The following SLC6A11 variants were observed in gnomAD, a reference collection of about 807,000 sequenced individuals.
SLC6A11 encodes solute carrier family 6 member 11, also known as sodium- and chloride-dependent GABA transporter 3.
A neutral mutation model predicts 74.8 loss-of-function variants in SLC6A11; 25 were observed. The ratio of observed to expected loss-of-function variants is 0.33; its 90% CI spans 0.24 to 0.47. The LOEUF (loss-of-function observed/expected upper bound fraction) is 0.47, where lower values mean the gene tolerates loss of function less well. Ranked by LOEUF, SLC6A11 falls within the 20% of genes least tolerant of loss-of-function variation. The pLI, the probability that SLC6A11 is intolerant of heterozygous loss-of-function variation, is 1.00. For synonymous variants in SLC6A11, 330 were observed against 330.2 expected, an observed-to-expected ratio of 1.00 and a Z score of 0.01; for missense variants, 574 against 837.0, an observed-to-expected ratio of 0.69 and a Z score of 3.88.
At chr3:10,831,755 A>G (rs562776186) in intron 4 of SLC6A11, among the ~76,000 whole-genome samples, 2 of 152,266 alleles carry the variant, frequency 1.3e-5, no homozygotes, top group African/African-American at 4.8e-5. Flanking sequence ...GTTACGTGTC[A>G]TAATGAACCC....
intron 5 of SLC6A11, among the ~76,000 whole-genome samples, chr3:10,859,448 G>T (rs1445394605): frequency 6.6e-6 from 1 of 152,132 alleles, no homozygotes; most frequent in East Asian, 1.9e-4. Flanking sequence ...TCTGCAAGTA[G>T]ACCCATTAAT....
chr3:10,845,471 G>A (rs1694491717), intron 5 of SLC6A11, among the ~76,000 whole-genome samples: 1 of 152,226 alleles, frequency 6.6e-6, no homozygotes, highest in Admixed American at 6.5e-5. Flanking sequence ...CCCATAGGCA[G>A]TTGCTCATAA....
At chr3:10,846,349 T>C (rs992845714) in intron 5 of SLC6A11, among the ~76,000 whole-genome samples, 4 of 152,192 alleles carry the variant, frequency 2.6e-5, no homozygotes, top group Non-Finnish European at 4.4e-5. Context: ...TTACTACTTT[T>C]GCTGTGGTTA....
At chr3:10,861,354 A>G (rs114933355) in intron 5 of SLC6A11, among the ~76,000 whole-genome samples, 4,501 of 152,206 alleles carry the variant, frequency 0.03, 109 homozygotes, top group East Asian at 0.11. Context: ...CATGTCTACA[A>G]ATAATTTAAA....
chr3:10,897,170 G>A lies in SLC6A11; in HGVS notation c.892-14920G>A, dbSNP rs148309328. 2.3e-3 allele frequency among the ~76,000 whole-genome samples: 349 copies of A among 152,210 alleles called. 1 individual carries two copies. The highest frequency in any genetic ancestry group is 4.0e-3 in the Non-Finnish European group (271 of 68,016). On this transcript the variant is annotated intron_variant, in intron 6 of 13. Coordinates refer to ENST00000254488, the MANE Select transcript of SLC6A11 (RefSeq NM_014229.3). ...TCCCACCAGATCCCTCCTATAACAC[G>A]TAGGAATTATGGGAATATAATTCAA...
intron 5 of SLC6A11, among the ~76,000 whole-genome samples, chr3:10,867,379 A>G (rs1362147475): frequency 6.6e-6 from 1 of 152,204 alleles, no homozygotes; most frequent in Non-Finnish European, 1.5e-5. Context: ...TTGTCTGCCT[A>G]GGCTCGGAGG....
intron 13 of SLC6A11, among the ~76,000 whole-genome samples, chr3:10,935,589 G>T (rs1275591589): frequency 1.3e-5 from 2 of 152,172 alleles, no homozygotes; most frequent in Admixed American, 1.3e-4. Context: ...ACTGTGCCAG[G>T]CCGTCTACCT....
intron 8 of SLC6A11, 35 bp from the exon 9 acceptor site, chr3:10,925,969 C>G: frequency 8.4e-7 from 1 of 1,196,586 alleles, no homozygotes; most frequent in African/African-American, 1.5e-5. Flanking sequence ...GGATGGGACT[C>G]CACCCAGTGG....
At chr3:10,919,197 ATTGT>A (rs988707898) in intron 8 of SLC6A11, among the ~76,000 whole-genome samples, 2 of 152,184 alleles carry the variant, frequency 1.3e-5, no homozygotes, top group African/African-American at 2.4e-5. Context: ...CAGGGTTATC[ATTGT>A]TTGAGTGATT....
At chr3:10,898,011 C>G (rs1695191134) in intron 6 of SLC6A11, among the ~76,000 whole-genome samples, 1 of 152,238 alleles carries the variant, frequency 6.6e-6, no homozygotes, top group African/African-American at 2.4e-5. Context: ...GCTGCCAAGG[C>G]TTGGGGCTTG....
chr3:10,861,493 G>A (rs573485466), intron 5 of SLC6A11, among the ~76,000 whole-genome samples: 5 of 152,128 alleles, frequency 3.3e-5, no homozygotes, highest in African/African-American at 1.2e-4. Context: ...CTCTAGCCTG[G>A]GCAATAGAGT....
chr3:10,927,811 C>A (rs140559823), intron 9 of SLC6A11, among the ~76,000 whole-genome samples: 1 of 152,160 alleles, frequency 6.6e-6, no homozygotes, highest in Non-Finnish European at 1.5e-5. Flanking sequence ...ATTGAAACAC[C>A]TTTTCTGGGG....
chr3:10,903,938 C>A (rs1401971159), intron 6 of SLC6A11, among the ~76,000 whole-genome samples: 1 of 152,252 alleles, frequency 6.6e-6, no homozygotes, highest in Non-Finnish European at 1.5e-5. Context: ...CCCCAAACAT[C>A]TAAGAAATTA....
chr3:10,831,588 C>G (rs1220025568), intron 4 of SLC6A11, among the ~76,000 whole-genome samples: 2 of 151,918 alleles, frequency 1.3e-5, no homozygotes, highest in African/African-American at 2.4e-5. Context: ...AACAGATTAC[C>G]CAGGAGTGGG....
At chr3:10,896,680 G>A (rs892039526) in intron 6 of SLC6A11, among the ~76,000 whole-genome samples, 2 of 152,178 alleles carry the variant, frequency 1.3e-5, no homozygotes, top group African/African-American at 4.8e-5. Context: ...GGGCTTGCTC[G>A]ACTTTCTTTT....
intron 6 of SLC6A11, among the ~76,000 whole-genome samples, chr3:10,891,458 CAT>C (rs1434487117): frequency 1.4e-4 from 21 of 152,172 alleles, no homozygotes; most frequent in African/African-American, 4.6e-4. Context: ...TTCATAAAAT[CAT>C]GTGTCAGTGG....
intron 6 of SLC6A11, among the ~76,000 whole-genome samples, chr3:10,878,123 C>T (rs970511328): frequency 2.0e-5 from 3 of 152,160 alleles, no homozygotes; most frequent in Non-Finnish European, 2.9e-5. Context: ...CCAATGGGCA[C>T]CTCTTTTGCT....
At chr3:10,890,208 G>A (rs1695091662) in intron 6 of SLC6A11, among the ~76,000 whole-genome samples, 1 of 152,188 alleles carries the variant, frequency 6.6e-6, no homozygotes, top group Non-Finnish European at 1.5e-5. Context: ...CCAAGAAGCA[G>A]GAGGATGTGT....
chr3:10,866,008 T>C (rs1309257219), intron 5 of SLC6A11, among the ~76,000 whole-genome samples: 2 of 152,242 alleles, frequency 1.3e-5, no homozygotes, highest in Non-Finnish European at 2.9e-5. Context: ...GTTTGACTCC[T>C]TATAATGGAG....
Sources: allele counts gnomAD v4.1 joint callset (sites outside exome capture counted in the v4.1 genomes callset), GRCh38; gene constraint gnomAD v4.1.1; transcripts MANE v1.5; gene names NCBI Gene and HGNC (gene_info 2026-07-23, HGNC 2026-07-21).